The following NRG1 variants were observed in gnomAD, a reference collection of about 807,000 sequenced individuals.
NRG1 encodes neuregulin 1, also known as pro-neuregulin-1, membrane-bound isoform.
A neutral mutation model predicts 63.8 loss-of-function variants in NRG1; 18 were observed. That is an observed-to-expected ratio of 0.28 (90% CI 0.19 to 0.42). The LOEUF is 0.42. Ranked by LOEUF, NRG1 falls within the 10% of genes least tolerant of loss-of-function variation. The pLI, the probability that NRG1 is intolerant of heterozygous loss-of-function variation, is 1.00. For missense variants in NRG1, 762 were observed against 814.7 expected, an observed-to-expected ratio of 0.94 and a Z score of 0.79; for synonymous variants, 302 against 301.3, an observed-to-expected ratio of 1.00 and a Z score of -0.02.
At chr8:32,748,358 C>CACACACAGAG (rs748763782) in intron 7 of NRG1, among the ~76,000 whole-genome samples, 117 of 122,004 alleles carry the variant, frequency 9.6e-4, no homozygotes, top group South Asian at 6.2e-3. Flanking sequence ...CACACACACA[C>CACACACAGAG]AGAGAGAGAG....
intron 1 of NRG1, among the ~76,000 whole-genome samples, chr8:32,105,921 C>A (rs1350325959): frequency 6.6e-6 from 1 of 152,064 alleles, no homozygotes. Context: ...CTGTTCCACC[C>A]AGGGTTTCTT....
intron 1 of NRG1, among the ~76,000 whole-genome samples, chr8:32,164,346 A>G (rs921961109): frequency 2.0e-5 from 3 of 151,904 alleles, no homozygotes; most frequent in Admixed American, 6.6e-5. Flanking sequence ...ATATTCTGAA[A>G]CTCCTTAGAT....
chr8:32,371,881 G>A (rs971393678), intron 1 of NRG1, among the ~76,000 whole-genome samples: 1 of 151,958 alleles, frequency 6.6e-6, no homozygotes, highest in Non-Finnish European at 1.5e-5. Context: ...ACTATGGTTT[G>A]TTAAAGCTTC....
chr8:31,761,585 G>A (rs185263975), intron 1 of NRG1, among the ~76,000 whole-genome samples: 54 of 152,164 alleles, frequency 3.5e-4, no homozygotes, highest in African/African-American at 1.3e-3. Context: ...CAGGGAATAG[G>A]GAGGCCAGAG....
rs117534086 is a variant in NRG1, at chr8:32,355,661, A to G, written c.38-240167A>G. The stretch of plus-strand genomic sequence containing the variant: ...AAAGAAAAAAGACAGGGATGGAGAA[A>G]GAAGGGGGAAAAAAAAAACTGAGTA... On this transcript the variant is annotated intron_variant, in intron 1 of 10. Transcript: ENST00000519301. Among the ~76,000 whole-genome samples the G allele has an allele frequency of 7.6e-3, 826 of 108,202 alleles. 3 individuals are homozygous for G. The highest frequency in any genetic ancestry group is 0.013 in the Non-Finnish European group (604 of 47,020). The allele number at this position is 108,202 out of a possible 152,430, so 71.0% of individuals were successfully genotyped here.
chr8:32,485,319 T>C (rs989338501), intron 1 of NRG1, among the ~76,000 whole-genome samples: 11 of 151,948 alleles, frequency 7.2e-5, no homozygotes, highest in African/African-American at 2.7e-4. Context: ...TTGGTCAGGC[T>C]GGTCTCCAAC....
At chr8:32,319,048 G>T (rs550015431) in intron 1 of NRG1, among the ~76,000 whole-genome samples, 2 of 152,138 alleles carry the variant, frequency 1.3e-5, no homozygotes, top group African/African-American at 2.4e-5. Context: ...TGACGTGAAG[G>T]TGAAAAGTTC....
rs376494741 is a variant in NRG1 at position 32,048,866 on chromosome 8, C to T, written c.37+409435C>T. Among the ~76,000 whole-genome samples, 1,361 of 151,812 alleles carry T rather than the reference C, an allele frequency of 9.0e-3. 13 individuals carry two copies. Among genetic ancestry groups the T allele is most frequent in the Non-Finnish European group, 0.014 (950 of 67,904 alleles). On this transcript the variant is annotated intron_variant, in intron 1 of 10. Transcript: ENST00000519301. Reference sequence around the variant, plus strand: ...GTTCCTTATATATTTTGGATATGAACCCCTTATCAAATGTATATTTTACAA... The same window carrying T: ...GTTCCTTATATATTTTGGATATGAATCCCTTATCAAATGTATATTTTACAA...
chr8:32,513,929 G>T (rs1829517951), intron 1 of NRG1, among the ~76,000 whole-genome samples: 1 of 152,046 alleles, frequency 6.6e-6, no homozygotes, highest in African/African-American at 2.4e-5. Context: ...CCAACTAGTG[G>T]GTAAAATGCT....
At chr8:32,253,113 T>G (rs1849305459) in intron 1 of NRG1, among the ~76,000 whole-genome samples, 2 of 152,218 alleles carry the variant, frequency 1.3e-5, no homozygotes, top group Admixed American at 6.5e-5. Context: ...GATGGGGTTT[T>G]CTAAATGTAC....
chr8:32,233,563 A>ATTT lies in NRG1; in HGVS notation c.38-362252_38-362250dup, dbSNP rs1554660617. Among the ~76,000 whole-genome samples, 80 of 67,244 alleles carry ATTT rather than the reference A, an allele frequency of 1.2e-3. 2 individuals are homozygous for ATTT. Among genetic ancestry groups the ATTT allele is most frequent in the South Asian group, 2.4e-3 (4 of 1,682 alleles). 44.1% of individuals were successfully genotyped at this position (67,244 alleles called of 152,430 possible). A position where few individuals can be genotyped will look rare whatever the true frequency, so the allele number is the denominator to read the frequency against. On this transcript the variant is annotated intron_variant, in intron 1 of 10. Coordinates refer to the NRG1 transcript ENST00000519301. ...TATATATATATATATATATATATAT[A>ATTT]TTTTTTTTTTTTTTTCTTTTGAAAC...
At chr8:31,958,786 C>T (rs1228603233) in intron 1 of NRG1, among the ~76,000 whole-genome samples, 2 of 152,150 alleles carry the variant, frequency 1.3e-5, no homozygotes, top group Non-Finnish European at 2.9e-5. Flanking sequence ...ACCTATGATA[C>T]AATCAAGTTT....
chr8:32,438,661 G>A (rs959082264), intron 1 of NRG1, among the ~76,000 whole-genome samples: 4 of 152,138 alleles, frequency 2.6e-5, no homozygotes, highest in African/African-American at 9.7e-5. Context: ...CCAGCAATGT[G>A]ACAGCAATTG....
intron 1 of NRG1, among the ~76,000 whole-genome samples, chr8:31,782,759 A>G (rs1320226445): frequency 2.6e-5 from 4 of 152,152 alleles, no homozygotes; most frequent in Non-Finnish European, 5.9e-5. Context: ...GAATCGACAG[A>G]GGATCTCGTT....
chr8:32,164,462 C>T (rs1242283637), intron 1 of NRG1, among the ~76,000 whole-genome samples: 1 of 152,138 alleles, frequency 6.6e-6, no homozygotes, highest in Non-Finnish European at 1.5e-5. Flanking sequence ...AAAGTAGATA[C>T]CTTAGGCCAG....
At chr8:31,970,871 G>C (rs947693402) in intron 1 of NRG1, among the ~76,000 whole-genome samples, 1 of 151,970 alleles carries the variant, frequency 6.6e-6, no homozygotes, top group African/African-American at 2.4e-5. Flanking sequence ...ATCTCCTTGG[G>C]CCTCAGGCTA....
At chr8:31,963,144 T>A (rs1017458411) in intron 1 of NRG1, among the ~76,000 whole-genome samples, 2 of 152,198 alleles carry the variant, frequency 1.3e-5, no homozygotes, top group South Asian at 2.1e-4. Context: ...CCTCAATATT[T>A]TCTGTACTGA....
intron 1 of NRG1, among the ~76,000 whole-genome samples, chr8:31,987,583 C>T (rs1810308298): frequency 6.6e-6 from 1 of 151,726 alleles, no homozygotes; most frequent in Admixed American, 6.6e-5. Context: ...GACACTGAGG[C>T]CTACCTGAGG....
chr8:31,819,528 C>A (rs140979600), intron 1 of NRG1, among the ~76,000 whole-genome samples: 25 of 152,172 alleles, frequency 1.6e-4, no homozygotes, highest in Admixed American at 1.6e-3. Flanking sequence ...ATAAAATAAC[C>A]TCTTTTCCCA....
Sources: allele counts gnomAD v4.1 joint callset (sites outside exome capture counted in the v4.1 genomes callset), GRCh38; gene constraint gnomAD v4.1.1; transcripts MANE v1.5; gene names NCBI Gene and HGNC (gene_info 2026-07-23, HGNC 2026-07-21).